XRCC4: variants seen among roughly 807,000 people sequenced by gnomAD.
XRCC4 encodes the protein X-ray repair cross complementing 4.
XRCC4 carries 28 observed loss-of-function variants against 39.1 expected under a neutral mutation model. The ratio of observed to expected loss-of-function variants is 0.72; its 90% CI spans 0.53 to 0.98. The LOEUF (loss-of-function observed/expected upper bound fraction) is 0.98, where lower values mean the gene tolerates loss of function less well. Ranked by LOEUF, XRCC4 falls within the 50% of genes least tolerant of loss-of-function variation. The pLI, the probability that XRCC4 is intolerant of heterozygous loss-of-function variation, is 0.00. For missense variants in XRCC4, 350 were observed against 376.4 expected, an observed-to-expected ratio of 0.93 and a Z score of 0.58; for synonymous variants, 123 against 126.4, an observed-to-expected ratio of 0.97 and a Z score of 0.18.
chr5:83,154,695 T>C (rs1457217304), intron 3 of XRCC4, among the ~76,000 whole-genome samples: 1 of 152,230 alleles, frequency 6.6e-6, no homozygotes, highest in Non-Finnish European at 1.5e-5. Context: ...CTTTCTTTTA[T>C]TGAACTTGAG....
chr5:83,088,582 C>T (rs917220843), intron 1 of XRCC4, among the ~76,000 whole-genome samples: 32 of 152,266 alleles, frequency 2.1e-4, no homozygotes, highest in African/African-American at 6.7e-4. Context: ...TTTTGCTGTG[C>T]AGAATTGCTT....
At chr5:83,184,420 G>A (rs1409113438) in intron 3 of XRCC4, among the ~76,000 whole-genome samples, 1 of 151,982 alleles carries the variant, frequency 6.6e-6, no homozygotes, top group African/African-American at 2.4e-5. Context: ...TTGCATGGGG[G>A]AGGGGTGGTG....
chr5:83,091,984 A>T (rs1042753078), intron 1 of XRCC4, among the ~76,000 whole-genome samples: 2 of 152,200 alleles, frequency 1.3e-5, no homozygotes, highest in African/African-American at 2.4e-5. Flanking sequence ...TACCAACAGG[A>T]TACAAAGGTT....
intron 3 of XRCC4, among the ~76,000 whole-genome samples, chr5:83,137,185 A>T (rs1410833443): frequency 6.6e-6 from 1 of 152,348 alleles, no homozygotes; most frequent in East Asian, 1.9e-4. Context: ...GATGATGTTG[A>T]TCATGATGAT....
intron 3 of XRCC4, among the ~76,000 whole-genome samples, chr5:83,148,514 T>G (rs1440681462): frequency 6.6e-6 from 1 of 152,210 alleles, no homozygotes; most frequent in African/African-American, 2.4e-5. Flanking sequence ...CTTTGAGTAC[T>G]CTGAGATTAC....
intron 7 of XRCC4, among the ~76,000 whole-genome samples, chr5:83,264,497 A>T (rs1343929040): frequency 6.6e-6 from 1 of 152,148 alleles, no homozygotes; most frequent in Non-Finnish European, 1.5e-5. Flanking sequence ...TTTATTTTTT[A>T]ATAAAATGAA....
intron 3 of XRCC4, among the ~76,000 whole-genome samples, chr5:83,113,652 G>A (rs948361339): frequency 3.3e-5 from 5 of 149,550 alleles, no homozygotes; most frequent in Admixed American, 6.7e-5. Flanking sequence ...ACGGAGTCTC[G>A]CTGTGTCACC....
intron 3 of XRCC4, among the ~76,000 whole-genome samples, chr5:83,178,587 G>A (rs1341602149): frequency 6.6e-6 from 1 of 152,152 alleles, no homozygotes; most frequent in East Asian, 1.9e-4. Flanking sequence ...TGAAAACAAA[G>A]GGCACTGATG....
At chr5:83,210,850 A>T (rs979250142) in intron 6 of XRCC4, among the ~76,000 whole-genome samples, 2 of 152,182 alleles carry the variant, frequency 1.3e-5, no homozygotes, top group Admixed American at 1.3e-4. Flanking sequence ...CTTAGTATTT[A>T]TTCACCTGAG....
chr5:83,173,618 C>T (rs769406185), intron 3 of XRCC4, among the ~76,000 whole-genome samples: 1 of 152,116 alleles, frequency 6.6e-6, no homozygotes, highest in African/African-American at 2.4e-5. Flanking sequence ...TCATACATAT[C>T]AGAGTATGTT....
At chr5:83,193,797 A>G (rs1160027432) in intron 3 of XRCC4, among the ~76,000 whole-genome samples, 2 of 152,226 alleles carry the variant, frequency 1.3e-5, no homozygotes, top group Non-Finnish European at 2.9e-5. Context: ...AAGAATACAA[A>G]ACCACTTTGT....
intron 7 of XRCC4, among the ~76,000 whole-genome samples, chr5:83,297,133 T>C (rs1311388377): frequency 6.6e-6 from 1 of 151,748 alleles, no homozygotes; most frequent in Non-Finnish European, 1.5e-5. Context: ...ATAAGTAAAC[T>C]GAATATGGTA....
chr5:83,126,055 T>C (rs867138272), intron 3 of XRCC4, among the ~76,000 whole-genome samples: 2 of 152,094 alleles, frequency 1.3e-5, no homozygotes, highest in East Asian at 1.9e-4. Context: ...AAAAATTTTA[T>C]TTTAGATAAT....
rs191127007 is a variant in XRCC4, at chr5:83,186,424, G to T, written c.316-9346G>T. Among the ~76,000 whole-genome samples the T allele has an allele frequency of 3.9e-5, 6 of 152,216 alleles. No individual in the cohort carries two copies. The East Asian group carries it at 1.2e-3, about 29-fold the overall frequency. On this transcript the variant is annotated intron_variant, in intron 3 of 7. Coordinates refer to ENST00000396027, the MANE Select transcript of XRCC4 (RefSeq NM_003401.5). ...AGAGGCTTTCAGCATTCCTAAACTTGTGACTACATCACTCCCAATTTCTGC... is the reference window on the plus strand; with the variant it reads ...AGAGGCTTTCAGCATTCCTAAACTTTTGACTACATCACTCCCAATTTCTGC...
chr5:83,242,320 T>C (rs887518119), intron 6 of XRCC4, among the ~76,000 whole-genome samples: 3 of 152,178 alleles, frequency 2.0e-5, no homozygotes, highest in African/African-American at 7.2e-5. Flanking sequence ...TTTCTCACTT[T>C]TGCTAAATGT....
chr5:83,096,144 T>A (rs1437011075), intron 1 of XRCC4, among the ~76,000 whole-genome samples: 1 of 151,888 alleles, frequency 6.6e-6, no homozygotes, highest in African/African-American at 2.4e-5. Context: ...TCCCAGCAGT[T>A]CTCTACATGG....
intron 3 of XRCC4, among the ~76,000 whole-genome samples, chr5:83,164,557 T>A (rs959605422): frequency 1.3e-5 from 2 of 152,132 alleles, no homozygotes; most frequent in African/African-American, 4.8e-5. Flanking sequence ...TACATGACAT[T>A]TCCTAAGAGA....
the XRCC4 span, among the ~76,000 whole-genome samples, chr5:83,373,277 GCACACTT>G: frequency 6.6e-6 from 1 of 152,038 alleles, no homozygotes; most frequent in South Asian, 2.1e-4. Context: ...TCCTTAGCAC[GCACACTT>G]CATTGAGTGT....
At chr5:83,338,281 AAGG>A (rs1425731618) in intron 7 of XRCC4, among the ~76,000 whole-genome samples, 1 of 152,224 alleles carries the variant, frequency 6.6e-6, no homozygotes, top group Non-Finnish European at 1.5e-5. Context: ...AGTGAAAGAC[AAGG>A]AGAACAGATA....
Sources: allele counts gnomAD v4.1 joint callset (sites outside exome capture counted in the v4.1 genomes callset), GRCh38; gene constraint gnomAD v4.1.1; transcripts MANE v1.5; gene names NCBI Gene and HGNC (gene_info 2026-07-23, HGNC 2026-07-21).